The following SLC26A7 variants were observed in gnomAD, a reference collection of about 807,000 sequenced individuals.
The protein encoded by SLC26A7 is anion exchange transporter.
In SLC26A7, 59 loss-of-function variants were observed where a neutral mutation model predicts 82.5. That is an observed-to-expected ratio of 0.72 (90% CI 0.58 to 0.89). SLC26A7 has a LOEUF of 0.89. Ranked by LOEUF, SLC26A7 falls within the 40% of genes least tolerant of loss-of-function variation. The pLI is 0.00. For missense variants in SLC26A7, 820 were observed against 793.0 expected, an observed-to-expected ratio of 1.03 and a Z score of -0.41; for synonymous variants, 271 against 274.3, an observed-to-expected ratio of 0.99 and a Z score of 0.12.
chr8:91,391,320 C>T (rs1814962494), intron 16 of SLC26A7, among the ~76,000 whole-genome samples: 1 of 152,096 alleles, frequency 6.6e-6, no homozygotes, highest in Non-Finnish European at 1.5e-5. Flanking sequence ...TCAGTTTATT[C>T]ATTTTGTAAA....
intron 14 of SLC26A7, among the ~76,000 whole-genome samples, chr8:91,368,792 C>G (rs892375339): frequency 1.2e-4 from 18 of 152,274 alleles, no homozygotes; most frequent in Admixed American, 5.9e-4. Flanking sequence ...GGGCCAGTCC[C>G]TTTAATCAGG....
intron 18 of SLC26A7, 83 bp downstream of exon 18, chr8:91,394,122 A>G: frequency 6.3e-7 from 1 of 1,588,796 alleles, no homozygotes; most frequent in Non-Finnish European, 8.6e-7. Context: ...ATATTAGCTT[A>G]TTACTCCATT....
intron 2 of SLC26A7, among the ~76,000 whole-genome samples, chr8:91,286,633 G>A (rs905080610): frequency 1.3e-5 from 2 of 152,128 alleles, no homozygotes; most frequent in African/African-American, 4.8e-5. Flanking sequence ...CGAAATAGTA[G>A]CATTAGAGAG....
At chr8:91,301,625 G>T (rs1386092590) in intron 4 of SLC26A7, among the ~76,000 whole-genome samples, 1 of 151,828 alleles carries the variant, frequency 6.6e-6, no homozygotes, top group African/African-American at 2.4e-5. Flanking sequence ...GGCAGCTAGT[G>T]GTTTTTCTAT....
chr8:91,390,342 C>G (rs981704799), intron 16 of SLC26A7, among the ~76,000 whole-genome samples: 1 of 152,168 alleles, frequency 6.6e-6, no homozygotes, highest in African/African-American at 2.4e-5. Context: ...TGGTCTCCAT[C>G]TCCTGACCTC....
chr8:91,267,368 G>T (rs1219393448), intron 2 of SLC26A7, among the ~76,000 whole-genome samples: 1 of 151,900 alleles, frequency 6.6e-6, no homozygotes, highest in Admixed American at 6.6e-5. Context: ...ATAGAATTCA[G>T]CAGTGAAGCC....
intron 4 of SLC26A7, among the ~76,000 whole-genome samples, chr8:91,312,543 G>A (rs2130800668): frequency 6.6e-6 from 1 of 152,150 alleles, no homozygotes; most frequent in East Asian, 1.9e-4. Flanking sequence ...TTTTTGTAGT[G>A]GCTATACCAT....
chr8:91,269,565 G>T (rs1280405768), intron 2 of SLC26A7, among the ~76,000 whole-genome samples: 1 of 151,900 alleles, frequency 6.6e-6, no homozygotes, highest in Non-Finnish European at 1.5e-5. Context: ...TTTGTATTTG[G>T]TTTTTGCTAA....
rs746729261 is a variant in SLC26A7, at chr8:91,334,347, T to C, written c.695T>C (p.Leu232Pro). ...AAGTCTGTGCGACTGGAAGCATTGC[T>C]TTTATCCTTGCTGAGCATTGTGGTC... ...NIKSVRLEALLLSLLSIVVLV... is the reference protein window; with the variant it reads ...NIKSVRLEALPLSLLSIVVLV... Residue 232 changes from leucine (L) to proline (P), a missense_variant, in exon 6 of 19, where the codon CTT becomes CCT. Transcript: ENST00000276609. The C allele has an allele frequency of 1.9e-6, 3 of 1,613,468 alleles. No homozygotes were observed. In the East Asian group the frequency reaches 6.7e-5, roughly 36 times the overall value.
At chr8:91,237,741 C>T (rs1810412061) in intron 2 of SLC26A7, among the ~76,000 whole-genome samples, 1 of 152,196 alleles carries the variant, frequency 6.6e-6, no homozygotes, top group Non-Finnish European at 1.5e-5. Flanking sequence ...TTCCTTATCA[C>T]TCATTCACTC....
intron 9 of SLC26A7, among the ~76,000 whole-genome samples, chr8:91,344,958 T>C (rs1327816041): frequency 6.6e-6 from 1 of 152,090 alleles, no homozygotes; most frequent in African/African-American, 2.4e-5. Flanking sequence ...TTTTCTTTTT[T>C]TTTTGGCAGA....
At chr8:91,238,147 A>G (rs971309877) in intron 2 of SLC26A7, among the ~76,000 whole-genome samples, 8 of 152,208 alleles carry the variant, frequency 5.3e-5, no homozygotes, top group African/African-American at 1.4e-4. Flanking sequence ...AACATTATAA[A>G]CAAAAGTAAA....
intron 4 of SLC26A7, among the ~76,000 whole-genome samples, chr8:91,314,869 A>G (rs894081781): frequency 6.6e-6 from 1 of 152,184 alleles, no homozygotes; most frequent in Admixed American, 6.5e-5. Context: ...GTAGGTTCCC[A>G]TGTTTTTTAA....
At chr8:91,269,947 T>C (rs548453173) in intron 2 of SLC26A7, among the ~76,000 whole-genome samples, 28 of 152,246 alleles carry the variant, frequency 1.8e-4, no homozygotes, top group Middle Eastern at 3.4e-3. Flanking sequence ...ATTGTTTGTA[T>C]TTATTTGCCA....
intron 2 of SLC26A7, among the ~76,000 whole-genome samples, chr8:91,266,527 T>G (rs1289861587): frequency 6.6e-6 from 1 of 152,012 alleles, no homozygotes; most frequent in Non-Finnish European, 1.5e-5. Flanking sequence ...GAATTCTTTT[T>G]TGTGTAATTC....
chr8:91,304,270 C>G (rs527983088), intron 4 of SLC26A7, among the ~76,000 whole-genome samples: 1 of 152,204 alleles, frequency 6.6e-6, no homozygotes, highest in East Asian at 1.9e-4. Flanking sequence ...ATTATAATCC[C>G]CAGTGTTAGG....
intron 3 of SLC26A7, among the ~76,000 whole-genome samples, chr8:91,294,454 T>C (rs1405010156): frequency 3.3e-5 from 5 of 152,178 alleles, no homozygotes; most frequent in Non-Finnish European, 5.9e-5. Context: ...TGAATTTCCA[T>C]TGAGACCTGT....
chr8:91,376,015 T>C (rs1405692577), intron 15 of SLC26A7, among the ~76,000 whole-genome samples: 1 of 152,154 alleles, frequency 6.6e-6, no homozygotes, highest in Non-Finnish European at 1.5e-5. Flanking sequence ...CTTTTTTTTC[T>C]AGTATATTAT....
Position 91,269,027 on chromosome 8 carries a change from T to C in SLC26A7, c.193+19183T>C, listed in dbSNP as rs76077187. On this transcript the variant is annotated intron_variant, in intron 2 of 18. Coordinates refer to ENST00000276609, the MANE Select transcript of SLC26A7 (RefSeq NM_052832.4). ...CTTTTTGATGTTTCAACTTACGTATTTTATGTTGCCCATTTCTTAACCCAT... is the reference window on the plus strand; with the variant it reads ...CTTTTTGATGTTTCAACTTACGTATCTTATGTTGCCCATTTCTTAACCCAT... Among the ~76,000 whole-genome samples, 685 of 152,148 alleles carry C rather than the reference T, an allele frequency of 4.5e-3. 5 individuals are homozygous for C. The highest frequency in any genetic ancestry group is 7.5e-3 in the Non-Finnish European group (507 of 67,898).
Sources: allele counts gnomAD v4.1 joint callset (sites outside exome capture counted in the v4.1 genomes callset), GRCh38; gene constraint gnomAD v4.1.1; transcripts MANE v1.5; gene names NCBI Gene and HGNC (gene_info 2026-07-23, HGNC 2026-07-21).